Variants in MID1 observed in about 807,000 individuals in gnomAD.
MID1 encodes E3 ubiquitin-protein ligase Midline-1.
A neutral mutation model predicts 40.4 loss-of-function variants in MID1; 7 were observed. That is an observed-to-expected ratio of 0.17 (90% CI 0.10 to 0.33). The LOEUF (loss-of-function observed/expected upper bound fraction) is 0.33, where lower values mean the gene tolerates loss of function less well. MID1 is among the 10% of genes least tolerant of loss of function. MID1 has a pLI of 1.00. For missense variants in MID1, 367 were observed against 558.5 expected (o/e 0.66, Z 3.46); for synonymous variants, 229 against 221.2 (o/e 1.04, Z -0.31).
chrX:10,826,426 A>C lies in MID1; in HGVS notation c.-187+7128T>G, dbSNP rs772838470. On this transcript the variant is annotated intron_variant, in intron 1 of 10. Transcript: ENST00000380785. ...CTACTATTTTGATGCAAAAGTAATC[A>C]TGGTTTTTGTAATTACTTTTAACTG... is the stretch of plus-strand genomic sequence containing the variant. Among the ~76,000 whole-genome samples the C allele has an allele frequency of 2.7e-5, 3 of 112,262 alleles. No individual in the cohort carries two copies. The South Asian group carries it at 1.1e-3, about 41-fold the overall frequency.
chrX:10,712,744 T>C (rs1449986760), intron 1 of MID1, among the ~76,000 whole-genome samples: 2 of 112,006 alleles, frequency 1.8e-5, no homozygotes, highest in African/African-American at 6.5e-5. Context: ...GGGAAATTGT[T>C]AGAAATACAG....
intron 1 of MID1, among the ~76,000 whole-genome samples, chrX:10,784,181 A>G (rs1363219349): frequency 9.0e-6 from 1 of 111,388 alleles, no homozygotes; most frequent in Non-Finnish European, 1.9e-5. Flanking sequence ...CATCAGTGTA[A>G]TAAACCTCAT....
chrX:10,752,418 A>T (rs1305522013), intron 1 of MID1, among the ~76,000 whole-genome samples: 1 of 112,293 alleles, frequency 8.9e-6, no homozygotes, highest in Non-Finnish European at 1.9e-5. Flanking sequence ...TAGGCAGGTT[A>T]CCCAGAGTTC....
Position 10,667,327 on chromosome X carries a change from G to T in MID1, c.-186-46908C>A, listed in dbSNP as rs1178840358. Among the ~76,000 whole-genome samples the T allele has an allele frequency of 2.7e-5, 3 of 111,542 alleles. No homozygotes were observed. In the Admixed American group the frequency reaches 2.9e-4, roughly 11 times the overall value. The stretch of plus-strand genomic sequence containing the variant: ...GTGGGGGTGGGGTAAAGGCACCTCG[G>T]AGTGCATGCTGGGATTAGGGCTAAT... On this transcript the variant is annotated intron_variant, in intron 1 of 10. Coordinates refer to the MID1 transcript ENST00000380785.
At position 10,741,550 on chromosome X, in the gene MID1, C is replaced by T. The variant is rs920627489; in HGVS notation, c.-187+92004G>A. 8.0e-4 allele frequency among the ~76,000 whole-genome samples: 84 copies of T among 104,966 alleles called. 1 individual carries two copies. The highest frequency in any genetic ancestry group is 1.5e-3 in the Non-Finnish European group (78 of 51,541). The allele number at this position is 104,966 out of a possible 115,157, so 91.2% of individuals were successfully genotyped here. A position where few individuals can be genotyped will look rare whatever the true frequency, so the allele number is the denominator to read the frequency against. ...TTGAAAACAATCTTTTTTTTTTCCA[C>T]TTATTAAGAACCTAGAGGAGAAAGG... is the stretch of plus-strand genomic sequence containing the variant. On this transcript the variant is annotated intron_variant, in intron 1 of 10. Transcript: ENST00000380785.
At chrX:10,485,120 A>G (rs936815510) in intron 4 of MID1, among the ~76,000 whole-genome samples, 2 of 112,389 alleles carry the variant, frequency 1.8e-5, no homozygotes, top group African/African-American at 6.5e-5. Context: ...CACATAATCT[A>G]TGGCTGCTTT....
chrX:10,654,765 G>A (rs761513043), intron 1 of MID1, among the ~76,000 whole-genome samples: 1 of 112,167 alleles, frequency 8.9e-6, no homozygotes, highest in Non-Finnish European at 1.9e-5. Context: ...CACTGGAGAT[G>A]TGAAAATGCA....
chrX:10,606,697 GAA>G (rs1935631123), intron 1 of MID1, among the ~76,000 whole-genome samples: 2 of 111,970 alleles, frequency 1.8e-5, no homozygotes, highest in African/African-American at 6.5e-5. Context: ...AGGTATGCAT[GAA>G]GTTTGCTTTT....
intron 1 of MID1, among the ~76,000 whole-genome samples, chrX:10,731,582 A>G (rs1194821737): frequency 8.9e-6 from 1 of 111,853 alleles, no homozygotes; most frequent in Non-Finnish European, 1.9e-5. Flanking sequence ...TTAGAGGGAA[A>G]TTTATAGAGT....
At position 10,739,140 on chromosome X, in the gene MID1, G is replaced by A. The variant is rs145367171; in HGVS notation, c.-187+94414C>T. On this transcript the variant is annotated intron_variant, in intron 1 of 10. Coordinates refer to the MID1 transcript ENST00000380785. ...AAACCTGGTGTGTGTTGAGAAGCGG[G>A]TCAATTGGTTGAATAAATTTGTTGA... is the stretch of plus-strand genomic sequence containing the variant. Among the ~76,000 whole-genome samples the A allele has an allele frequency of 3.5e-3, 389 of 111,666 alleles. 15 individuals are homozygous for A. The East Asian group carries it at 0.083, about 24-fold the overall frequency.
chrX:10,504,422 C>T (rs1931719820), intron 3 of MID1, among the ~76,000 whole-genome samples: 1 of 111,262 alleles, frequency 9.0e-6, no homozygotes, highest in Non-Finnish European at 1.9e-5. Flanking sequence ...TTGACAAATG[C>T]TTGGCATGTA....
At chrX:10,783,476 G>A (rs1319015625) in intron 1 of MID1, among the ~76,000 whole-genome samples, 1 of 111,156 alleles carries the variant, frequency 9.0e-6, no homozygotes, top group African/African-American at 3.3e-5. Context: ...TTGGGGATGA[G>A]TTTGCCTCCC....
chrX:10,767,643 T>C (rs1244612699), intron 1 of MID1, among the ~76,000 whole-genome samples: 1 of 111,948 alleles, frequency 8.9e-6, no homozygotes, highest in African/African-American at 3.2e-5. Flanking sequence ...AAATGTGAAA[T>C]TGATTTTAGG....
intron 1 of MID1, among the ~76,000 whole-genome samples, chrX:10,570,679 T>C (rs1934696669): frequency 8.9e-6 from 1 of 112,501 alleles, no homozygotes; most frequent in Admixed American, 9.4e-5. Context: ...AAGGGTAAAA[T>C]AGTAGACATT....
chrX:10,689,043 C>T (rs1569147367), intron 1 of MID1, among the ~76,000 whole-genome samples: 1 of 109,003 alleles, frequency 9.2e-6, no homozygotes, highest in Non-Finnish European at 1.9e-5. Flanking sequence ...GAATGTGTGC[C>T]CCATTTGACA....
chrX:10,483,013 C>G (rs911906789), intron 4 of MID1, among the ~76,000 whole-genome samples: 1 of 112,221 alleles, frequency 8.9e-6, no homozygotes, highest in East Asian at 2.8e-4. Context: ...TTCTTTTCAT[C>G]AAGAAGATAA....
intron 1 of MID1, among the ~76,000 whole-genome samples, chrX:10,763,777 C>T (rs1182524166): frequency 3.6e-4 from 40 of 111,808 alleles, no homozygotes; most frequent in Non-Finnish European, 6.4e-4. Flanking sequence ...TTGACAGTCC[C>T]ACCAACAGTG....
chrX:10,503,153 T>C (rs1157922058), intron 3 of MID1, among the ~76,000 whole-genome samples: 2 of 111,129 alleles, frequency 1.8e-5, no homozygotes, highest in African/African-American at 6.5e-5. Context: ...GATATGAGGG[T>C]GCTTTGGGTT....
chrX:10,698,586 A>C (rs946371648), intron 1 of MID1, among the ~76,000 whole-genome samples: 2 of 110,580 alleles, frequency 1.8e-5, no homozygotes, highest in African/African-American at 6.6e-5. Context: ...CAATATCCTC[A>C]GTGCTCCCAC....
Sources: gnomAD v4.1 joint callset for allele counts (sites outside exome capture counted in the v4.1 genomes callset) on GRCh38, gnomAD v4.1.1 for gene constraint, MANE v1.5 for transcripts, NCBI Gene and HGNC (gene_info 2026-07-23, HGNC 2026-07-21) for gene names.